The following IRAG1 variants were observed in gnomAD, a reference collection of about 807,000 sequenced individuals.
The protein encoded by IRAG1 is IP3R-associated cGMP kinase substrate.
IRAG1 carries 62 observed loss-of-function variants against 106.2 expected under a neutral mutation model. That is an observed-to-expected ratio of 0.58 (90% CI 0.48 to 0.72). IRAG1 has a LOEUF of 0.72. Among genes scored for constraint, IRAG1 ranks in the 30% least tolerant of loss-of-function variants. The pLI is 0.00. For missense variants in IRAG1, 1,064 were observed against 1,140.7 expected (o/e 0.93, Z 0.97); for synonymous variants, 462 against 443.9 (o/e 1.04, Z -0.51).
At position 10,675,321 on chromosome 11, in the gene IRAG1, G is replaced by A. The variant is rs149684083; in HGVS notation, c.67+18215C>T. On this transcript the variant is annotated intron_variant, in intron 1 of 20. Transcript: ENST00000423302. ...GCCACCGTTAAGCTCTCCTGGTTCC[G>A]TTGGCTCCTGCCCGGTTCCCCTCTC... Among the ~76,000 whole-genome samples the A allele has an allele frequency of 3.8e-4, 58 of 152,284 alleles. 3 individuals carry two copies. The East Asian group carries it at 8.7e-3, about 23-fold the overall frequency.
chr11:10,650,248 G>T (rs1013729942), intron 2 of IRAG1, among the ~76,000 whole-genome samples: 2 of 152,060 alleles, frequency 1.3e-5, no homozygotes, highest in Non-Finnish European at 2.9e-5. Context: ...TAAGTGACAG[G>T]TGTCTATGTT....
chr11:10,597,682 T>TA (rs1159585408), intron 15 of IRAG1, among the ~76,000 whole-genome samples: 4 of 152,202 alleles, frequency 2.6e-5, no homozygotes, highest in African/African-American at 9.7e-5. Flanking sequence ...AAGCTTATCT[T>TA]AAAAAAATTG....
chr11:10,597,376 A>T (rs1038631177), intron 15 of IRAG1, among the ~76,000 whole-genome samples: 1 of 152,230 alleles, frequency 6.6e-6, no homozygotes, highest in Non-Finnish European at 1.5e-5. Flanking sequence ...TCCAGAATGA[A>T]GTGCAGTGGC....
intron 20 of IRAG1, 53 bp from the exon 21 acceptor site, chr11:10,576,628 A>T (rs1049830746): frequency 6.2e-6 from 10 of 1,604,216 alleles, no homozygotes; most frequent in Admixed American, 5.0e-5. Context: ...CACACATATG[A>T]TACACAGACC....
rs1197118379 is a variant in IRAG1, at chr11:10,615,720, G to A, written c.1448-5869C>T. On this transcript the variant is annotated intron_variant, in intron 10 of 20. Transcript: ENST00000423302. ...CACCGCATGTTCTCACTCATAGGCG[G>A]GAATTGAACAATGAGAACACTTGGA... Among the ~76,000 whole-genome samples, 3 of 152,012 alleles carry A rather than the reference G, an allele frequency of 2.0e-5. No individual in the cohort carries two copies. In the South Asian group the frequency reaches 6.2e-4, roughly 32 times the overall value.
At chr11:10,586,414 TC>T (rs1170580513) in intron 18 of IRAG1, among the ~76,000 whole-genome samples, 1 of 148,170 alleles carries the variant, frequency 6.7e-6, no homozygotes, top group Non-Finnish European at 1.5e-5. Flanking sequence ...AGTTGATCTC[TC>T]CTTTTTTTTT....
chr11:10,577,731 C>T (rs1056040172), intron 20 of IRAG1, among the ~76,000 whole-genome samples: 2 of 152,058 alleles, frequency 1.3e-5, no homozygotes, highest in Admixed American at 1.3e-4. Context: ...CAATAAATGC[C>T]CTCCTTAGAA....
chr11:10,591,750 T>C lies in IRAG1; in HGVS notation c.2176-138A>G, dbSNP rs920755937. ...CCATGCCCCCACTTTCCAATCTTCATCTGAGCCCAGGACTTGGCCCTTTCC... is the reference window on the plus strand; with the variant it reads ...CCATGCCCCCACTTTCCAATCTTCACCTGAGCCCAGGACTTGGCCCTTTCC... On this transcript the variant is annotated intron_variant, in intron 17 of 20. Coordinates refer to ENST00000423302, the MANE Select transcript of IRAG1 (RefSeq NM_130385.4). 5.0e-6 allele frequency: 4 copies of C among 799,288 alleles called. No homozygotes were observed. The African/African-American group carries it at 6.8e-5, about 14-fold the overall frequency. 49.5% of individuals were successfully genotyped at this position (799,288 alleles called of 1,614,324 possible). A position where few individuals can be genotyped will look rare whatever the true frequency, so the allele number is the denominator to read the frequency against.
chr11:10,661,373 C>A (rs928649756), intron 1 of IRAG1, among the ~76,000 whole-genome samples: 2 of 152,310 alleles, frequency 1.3e-5, no homozygotes, highest in Admixed American at 1.3e-4. Context: ...AAGTTACTCC[C>A]TTCCTGTAGT....
At chr11:10,609,942 T>C in intron 10 of IRAG1, 91 bp from the exon 11 acceptor site, 1 of 1,263,668 alleles carries the variant, frequency 7.9e-7, no homozygotes, top group Non-Finnish European at 1.1e-6. Context: ...CATTTATAAG[T>C]ATCTAGTTCT....
chr11:10,623,954 T>A (rs555117673), intron 9 of IRAG1, 98 bp from the exon 10 acceptor site: 3 of 1,172,760 alleles, frequency 2.6e-6, no homozygotes, highest in East Asian at 2.4e-5. Context: ...CTATCTTAGG[T>A]GGGAAAGCGG....
intron 15 of IRAG1, among the ~76,000 whole-genome samples, chr11:10,599,404 G>C (rs1853704757): frequency 6.6e-6 from 1 of 152,198 alleles, no homozygotes; most frequent in Non-Finnish European, 1.5e-5. Context: ...AGCAATAAAT[G>C]CAGGAGTCCA....
At chr11:10,685,993 A>C (rs375418206) in intron 1 of IRAG1, among the ~76,000 whole-genome samples, 1 of 152,152 alleles carries the variant, frequency 6.6e-6, no homozygotes, top group East Asian at 1.9e-4. Context: ...GTGGGAAACA[A>C]GAAAGATGTC....
chr11:10,609,805 C>T lies in IRAG1; in HGVS notation c.1494G>A (p.Lys498=). 6.2e-7 allele frequency: 1 copy of T among 1,613,982 alleles called. No individual in the cohort carries two copies. The highest frequency in any genetic ancestry group is 8.5e-7 in the Non-Finnish European group (1 of 1,179,878). The change falls in exon 11 of 21, where the codon AAG becomes AAA. Residue 498 remains lysine, a synonymous_variant. Transcript: ENST00000423302. Reference sequence around the variant, plus strand: ...TATTAGGCATGACATCTAAGCCACTCTTTGACTCTTCTTCCTCAATAGCTG... The same window carrying T: ...TATTAGGCATGACATCTAAGCCACTTTTTGACTCTTCTTCCTCAATAGCTG... ...LSPAIEEEES[K]SGLDVMPNIS...
At chr11:10,609,669 G>A in intron 11 of IRAG1, 59 bp downstream of exon 11, 1 of 1,566,358 alleles carries the variant, frequency 6.4e-7, no homozygotes, top group South Asian at 1.2e-5. Context: ...GTCCCACCTA[G>A]AATCCAACAC....
intron 1 of IRAG1, among the ~76,000 whole-genome samples, chr11:10,691,158 TC>T (rs1018724868): frequency 1.3e-5 from 2 of 152,152 alleles, no homozygotes; most frequent in African/African-American, 4.8e-5. Context: ...AATCTGATCA[TC>T]AGGCACATGT....
At chr11:10,576,979 C>T (rs1850882789) in intron 20 of IRAG1, among the ~76,000 whole-genome samples, 1 of 152,218 alleles carries the variant, frequency 6.6e-6, no homozygotes, top group African/African-American at 2.4e-5. Flanking sequence ...ATCTTTTTAG[C>T]ACCTAGCTGC....
At chr11:10,675,847 C>A (rs1368937298) in intron 1 of IRAG1, among the ~76,000 whole-genome samples, 1 of 152,168 alleles carries the variant, frequency 6.6e-6, no homozygotes, top group Non-Finnish European at 1.5e-5. Flanking sequence ...CACCTTTGCC[C>A]AGGTTACACT....
intron 1 of IRAG1, among the ~76,000 whole-genome samples, chr11:10,683,644 G>A (rs1278418338): frequency 6.6e-6 from 1 of 152,106 alleles, no homozygotes; most frequent in Non-Finnish European, 1.5e-5. Flanking sequence ...TTGGCCAAGG[G>A]ACCAGTAGGG....
Sources: allele counts gnomAD v4.1 joint callset (sites outside exome capture counted in the v4.1 genomes callset), GRCh38; gene constraint gnomAD v4.1.1; transcripts MANE v1.5; gene names NCBI Gene and HGNC (gene_info 2026-07-23, HGNC 2026-07-21).